The following ATP9A variants were observed in gnomAD, a reference collection of about 807,000 sequenced individuals.
ATP9A encodes probable phospholipid-transporting ATPase IIA.
In ATP9A, 52 loss-of-function variants were observed where a neutral mutation model predicts 144.1. That is an observed-to-expected ratio of 0.36 (90% CI 0.29 to 0.45). ATP9A has a LOEUF of 0.45. Among genes scored for constraint, ATP9A ranks in the 20% least tolerant of loss-of-function variants. ATP9A has a pLI of 1.00. For synonymous variants in ATP9A, 582 were observed against 557.4 expected (o/e 1.04, Z -0.62); for missense variants, 947 against 1,392.7 (o/e 0.68, Z 5.09).
chr20:51,745,191 C>T (rs1350770876), intron 1 of ATP9A, among the ~76,000 whole-genome samples: 1 of 151,398 alleles, frequency 6.6e-6, no homozygotes, highest in Non-Finnish European at 1.5e-5. Flanking sequence ...TGCTTGAACC[C>T]GAGAGGCAGA....
chr20:51,689,913 C>A (rs1362359942), intron 8 of ATP9A, among the ~76,000 whole-genome samples: 1 of 149,466 alleles, frequency 6.7e-6, no homozygotes, highest in African/African-American at 2.5e-5. Flanking sequence ...GAGTTCAAGA[C>A]TAGCCTGGCC....
chr20:51,625,168 T>C (rs2077242909), intron 18 of ATP9A, 24 bp downstream of exon 18: 1 of 1,596,284 alleles, frequency 6.3e-7, no homozygotes, highest in African/African-American at 1.3e-5. Flanking sequence ...TGGAGTGCCC[T>C]TCCCTGCGGG....
chr20:51,702,369 TG>T (rs2122835909), intron 4 of ATP9A, among the ~76,000 whole-genome samples: 1 of 131,364 alleles, frequency 7.6e-6, no homozygotes, highest in East Asian at 2.4e-4. Flanking sequence ...TGTGTTCGTG[TG>T]TGTGTGTGTG....
chr20:51,673,090 C>T (rs909628714), intron 11 of ATP9A, among the ~76,000 whole-genome samples: 1 of 152,024 alleles, frequency 6.6e-6, no homozygotes, highest in Non-Finnish European at 1.5e-5. Context: ...TTTAAAAAAC[C>T]AGGCCAGGTG....
chr20:51,654,984 A>G (rs980675982), intron 14 of ATP9A, among the ~76,000 whole-genome samples: 4 of 152,210 alleles, frequency 2.6e-5, no homozygotes, highest in African/African-American at 9.6e-5. Flanking sequence ...AGTCTACTCA[A>G]AAGTATCTCT....
chr20:51,683,899 AGTC>A lies in ATP9A; in HGVS notation c.799+5162_799+5164del, dbSNP rs755336310. Reference sequence around the variant, plus strand: ...AAGACTATATAAACACTCCAAAAAAAGTCAGTGGATATTTTTATAATTTTAGAG... The same window carrying A: ...AAGACTATATAAACACTCCAAAAAAAAGTGGATATTTTTATAATTTTAGAG... On this transcript the variant is annotated intron_variant, in intron 9 of 27. Coordinates refer to ENST00000338821, the MANE Select transcript of ATP9A (RefSeq NM_006045.3). 2.7e-4 allele frequency among the ~76,000 whole-genome samples: 41 copies of A among 152,332 alleles called. 1 individual carries two copies. Among genetic ancestry groups the A allele is most frequent in the Middle Eastern group, 3.4e-3 (1 of 294 alleles).
chr20:51,624,382 A>C (rs1359381653), intron 18 of ATP9A, among the ~76,000 whole-genome samples: 1 of 151,926 alleles, frequency 6.6e-6, no homozygotes, highest in Non-Finnish European at 1.5e-5. Context: ...TTGGTTGTTC[A>C]CACCTCCCTT....
intron 26 of ATP9A, 100 bp from the exon 27 acceptor site, chr20:51,605,120 G>A (rs1407906578): frequency 2.9e-6 from 3 of 1,039,412 alleles, no homozygotes; most frequent in Non-Finnish European, 4.0e-6. Flanking sequence ...ATTTAGACAT[G>A]AAAGGCATCA....
chr20:51,706,980 T>C (rs1032206136), intron 4 of ATP9A, among the ~76,000 whole-genome samples: 1 of 152,156 alleles, frequency 6.6e-6, no homozygotes, highest in African/African-American at 2.4e-5. Context: ...TGTGGTCTTC[T>C]CTGGAGAGGC....
intron 3 of ATP9A, among the ~76,000 whole-genome samples, chr20:51,715,233 CT>C (rs2077657037): frequency 6.6e-6 from 1 of 152,178 alleles, no homozygotes; most frequent in South Asian, 2.1e-4. Context: ...TGTGAAACTC[CT>C]CCCAATGCCC....
chr20:51,675,922 C>G (rs1420886684), intron 10 of ATP9A, among the ~76,000 whole-genome samples: 1 of 149,240 alleles, frequency 6.7e-6, no homozygotes, highest in Non-Finnish European at 1.5e-5. Context: ...AGTCATATAT[C>G]CACAAACATG....
chr20:51,669,223 A>G (rs1248899104), intron 13 of ATP9A, among the ~76,000 whole-genome samples: 2 of 152,166 alleles, frequency 1.3e-5, no homozygotes, highest in Non-Finnish European at 1.5e-5. Flanking sequence ...ATCAAGCCCA[A>G]ATAAATGTCT....
chr20:51,622,255 A>G, intron 18 of ATP9A, 83 bp from the exon 19 acceptor site: 2 of 1,112,156 alleles, frequency 1.8e-6, no homozygotes, highest in African/African-American at 1.5e-5. Context: ...TTCCAACAAC[A>G]TGGAGCTGAA....
intron 19 of ATP9A, 59 bp downstream of exon 19, chr20:51,622,015 A>C: frequency 6.9e-7 from 1 of 1,455,300 alleles, no homozygotes; most frequent in Non-Finnish European, 9.6e-7. Context: ...CAAGGTTAGG[A>C]GGTTATAGGA....
chr20:51,732,713 C>T (rs1461873007), intron 1 of ATP9A: 1 of 152,020 alleles, frequency 6.6e-6, no homozygotes, highest in Non-Finnish European at 1.5e-5. Context: ...TCCAACCACT[C>T]TCGCCACTCC....
intron 1 of ATP9A, among the ~76,000 whole-genome samples, chr20:51,731,650 C>T (rs557415447): frequency 8.6e-5 from 13 of 151,100 alleles, no homozygotes; most frequent in East Asian, 5.9e-4. Context: ...ACTCGGGAGG[C>T]GGAGGTTGCA....
intron 25 of ATP9A, 104 bp from the exon 26 acceptor site, chr20:51,607,688 A>G: frequency 1.3e-6 from 1 of 796,418 alleles, no homozygotes; most frequent in Non-Finnish European, 2.1e-6. Context: ...AAGGCAACCC[A>G]TCTGTCTTCA....
intron 26 of ATP9A, among the ~76,000 whole-genome samples, chr20:51,606,475 T>C (rs1006825143): frequency 3.9e-5 from 6 of 152,260 alleles, no homozygotes; most frequent in East Asian, 1.9e-4. Flanking sequence ...GGCAAGAGAA[T>C]TGCTTGAGTC....
rs532987177 is a variant in ATP9A at position 51,618,856 on chromosome 20, G to T, written c.2206-50C>A. 3.2e-6 allele frequency: 5 copies of T among 1,580,776 alleles called. No individual in the cohort carries two copies. The African/African-American group carries it at 4.0e-5, about 13-fold the overall frequency. On this transcript the variant is annotated intron_variant, in intron 20 of 27. Transcript: ENST00000338821. ...GCGTTGGTGGAGGGAGAGGTGGTGCGTTGGTGGAGGTCGCTGCCGAGCCTG... is the reference window on the plus strand; with the variant it reads ...GCGTTGGTGGAGGGAGAGGTGGTGCTTTGGTGGAGGTCGCTGCCGAGCCTG...
Sources: gnomAD v4.1 joint callset for allele counts (sites outside exome capture counted in the v4.1 genomes callset) on GRCh38, gnomAD v4.1.1 for gene constraint, MANE v1.5 for transcripts, NCBI Gene and HGNC (gene_info 2026-07-23, HGNC 2026-07-21) for gene names.